The following PAX3 variants were observed in gnomAD, a reference collection of about 807,000 sequenced individuals.
PAX3 encodes the protein paired box protein Pax-3.
Under a neutral mutation model 51.6 loss-of-function variants are expected in PAX3, and 14 were observed. That is an observed-to-expected ratio of 0.27 (90% confidence interval 0.18 to 0.42). PAX3 has a LOEUF of 0.42. Among genes scored for constraint, PAX3 ranks in the 10% least tolerant of loss-of-function variants. The pLI is 1.00. For missense variants in PAX3, 540 were observed against 642.8 expected (o/e 0.84, Z 1.73); for synonymous variants, 280 against 253.4 (o/e 1.11, Z -1.00).
intron 4 of PAX3, among the ~76,000 whole-genome samples, chr2:222,244,035 C>T (rs897924308): frequency 2.6e-5 from 4 of 152,120 alleles, no homozygotes; most frequent in East Asian, 1.9e-4. Context: ...TCCCCTTCAT[C>T]GTGCAAAAGT....
At chr2:222,228,510 A>T (rs1459087421) in intron 5 of PAX3, among the ~76,000 whole-genome samples, 1 of 152,160 alleles carries the variant, frequency 6.6e-6, no homozygotes, top group East Asian at 1.9e-4. Context: ...CTTAGTTTTG[A>T]CAAAGGCAGG....
At chr2:222,254,505 T>A (rs1196565911) in intron 4 of PAX3, among the ~76,000 whole-genome samples, 1 of 152,178 alleles carries the variant, frequency 6.6e-6, no homozygotes, top group Non-Finnish European at 1.5e-5. Context: ...AGTCACTAAG[T>A]ATTATTTTAT....
intron 4 of PAX3, among the ~76,000 whole-genome samples, chr2:222,283,389 G>T (rs1341175447): frequency 6.6e-6 from 1 of 152,194 alleles, no homozygotes; most frequent in South Asian, 2.1e-4. Flanking sequence ...TGGAAAAATG[G>T]TCAAGATACT....
At chr2:222,226,736 C>T (rs907244177) in intron 5 of PAX3, among the ~76,000 whole-genome samples, 12 of 149,840 alleles carry the variant, frequency 8.0e-5, no homozygotes, top group African/African-American at 2.7e-4. Flanking sequence ...TGGGTCATTC[C>T]CAAAATGCAT....
intron 4 of PAX3, among the ~76,000 whole-genome samples, chr2:222,257,589 T>C (rs563600299): frequency 1.2e-4 from 18 of 152,366 alleles, no homozygotes; most frequent in Middle Eastern, 3.4e-3. Flanking sequence ...AAAAGTCATC[T>C]AAATTGACTA....
At chr2:222,298,470 G>A (rs966078504) in intron 1 of PAX3, 61 bp downstream of exon 1, 2 of 1,384,770 alleles carry the variant, frequency 1.4e-6, no homozygotes, top group South Asian at 1.2e-5. Flanking sequence ...GCCTGGGGAT[G>A]GGGTGAGGCA....
chr2:222,283,178 T>C (rs1694705966), intron 4 of PAX3, among the ~76,000 whole-genome samples: 1 of 152,240 alleles, frequency 6.6e-6, no homozygotes, highest in Non-Finnish European at 1.5e-5. Context: ...AAGTCATCCT[T>C]TGCCAGTATG....
At chr2:222,284,160 G>C (rs1465398178) in intron 4 of PAX3, among the ~76,000 whole-genome samples, 1 of 152,156 alleles carries the variant, frequency 6.6e-6, no homozygotes, top group African/African-American at 2.4e-5. Flanking sequence ...AAAAAAGAAT[G>C]CACACAACCT....
At chr2:222,267,446 AT>A (rs1288143229) in intron 4 of PAX3, among the ~76,000 whole-genome samples, 2 of 152,160 alleles carry the variant, frequency 1.3e-5, no homozygotes, top group African/African-American at 4.8e-5. Flanking sequence ...TATGCTATGT[AT>A]TTTTTTAAAT....
intron 7 of PAX3, among the ~76,000 whole-genome samples, chr2:222,207,278 G>A (rs909175760): frequency 6.6e-6 from 1 of 152,132 alleles, no homozygotes; most frequent in East Asian, 1.9e-4. Flanking sequence ...AGATTCAAAT[G>A]CCTTAGGAAT....
chr2:222,224,099 G>A lies in PAX3; in HGVS notation c.793-2712C>T, dbSNP rs182144808. Among the ~76,000 whole-genome samples the A allele has an allele frequency of 5.7e-4, 86 of 152,158 alleles. No individual in the cohort carries two copies. In the East Asian group the frequency reaches 0.013, roughly 23 times the overall value. ...CAGAGTAAGAGTATAAGGGTTTGGG[G>A]GTTTGTTTTCATATTTTCTAAAATG... On this transcript the variant is annotated intron_variant, in intron 5 of 8. Transcript: ENST00000392070.
At chr2:222,295,761 C>T in intron 2 of PAX3, 104 bp from the exon 3 acceptor site, 1 of 1,330,428 alleles carries the variant, frequency 7.5e-7, no homozygotes, top group Non-Finnish European at 1.1e-6. Flanking sequence ...GCTGAATCCT[C>T]TGGGACGGTC....
At chr2:222,225,349 C>G (rs562629335) in intron 5 of PAX3, among the ~76,000 whole-genome samples, 1 of 152,000 alleles carries the variant, frequency 6.6e-6, no homozygotes, top group East Asian at 1.9e-4. Flanking sequence ...AGTATAATGT[C>G]CAATGATTTT....
Position 222,221,318 on chromosome 2 carries a change from G to A in PAX3, c.862C>T (p.His288Tyr). 3.1e-6 allele frequency: 5 copies of A among 1,614,086 alleles called. No homozygotes were observed. Among genetic ancestry groups the A allele is most frequent in the Non-Finnish European group, 4.2e-6 (5 of 1,179,944 alleles). The change falls in exon 6 of 9, where the codon CAT (histidine) becomes TAT (tyrosine). Residue 288 changes from histidine to tyrosine, a missense_variant. By Grantham distance (83) the His-to-Tyr change is moderately conservative. Around this residue, in one of 3 missense-constraint regions of PAX3, gnomAD observed 427 missense variants for 483.6 expected, o/e 0.88. Coordinates refer to ENST00000392070, the MANE Select transcript of PAX3 (RefSeq NM_181458.4). ...AGANQLMAFN[H>Y]LIPGGFPPTA... ...GGAGGGAACCCCCCGGGAATGAGAT[G>A]GTTGAAAGCCATCAGTTGATTGGCC...
chr2:222,252,144 A>G (rs1693458967), intron 4 of PAX3, among the ~76,000 whole-genome samples: 2 of 152,232 alleles, frequency 1.3e-5, no homozygotes, highest in East Asian at 3.8e-4. Context: ...AAAGTCTATT[A>G]GAATACAGCC....
intron 5 of PAX3, among the ~76,000 whole-genome samples, chr2:222,229,211 T>C (rs2106089526): frequency 6.6e-6 from 1 of 150,700 alleles, no homozygotes; most frequent in South Asian, 2.1e-4. Context: ...CTCTGCACTG[T>C]TATATTAATA....
intron 7 of PAX3, among the ~76,000 whole-genome samples, chr2:222,210,715 A>G (rs1691692528): frequency 6.6e-6 from 1 of 152,196 alleles, no homozygotes; most frequent in South Asian, 2.1e-4. Context: ...CTAAATGGAC[A>G]TCAATATGAA....
intron 7 of PAX3, among the ~76,000 whole-genome samples, chr2:222,217,849 T>C (rs960158363): frequency 6.6e-6 from 1 of 152,184 alleles, no homozygotes; most frequent in Non-Finnish European, 1.5e-5. Context: ...AACAGTGTCA[T>C]TACAGAGAAG....
chr2:222,260,238 A>C (rs2106141828), intron 4 of PAX3, among the ~76,000 whole-genome samples: 1 of 151,670 alleles, frequency 6.6e-6, no homozygotes, highest in Non-Finnish European at 1.5e-5. Flanking sequence ...TGAAGTGGCA[A>C]ATTAAGACTA....
Sources: gnomAD v4.1 joint callset for allele counts (sites outside exome capture counted in the v4.1 genomes callset) on GRCh38, gnomAD v4.1.1 for gene constraint, gnomAD v4.1.1 regional missense constraint, MANE v1.5 for transcripts, NCBI Gene and HGNC (gene_info 2026-07-23, HGNC 2026-07-21) for gene names.